RTN4IP1: variants seen among roughly 807,000 people sequenced by gnomAD.
RTN4IP1 encodes the protein NAD(P)H oxidoreductase RTN4IP1, mitochondrial.
A neutral mutation model predicts 46.6 loss-of-function variants in RTN4IP1; 32 were observed. The observed-to-expected ratio is 0.69, with a 90% CI of 0.52 to 0.92. RTN4IP1 has a LOEUF of 0.92. Among genes scored for constraint, RTN4IP1 ranks in the 40% least tolerant of loss-of-function variants. RTN4IP1 has a pLI of 0.00. For missense variants in RTN4IP1, 424 were observed against 485.8 expected (o/e 0.87, Z 1.20); for synonymous variants, 167 against 161.8 (o/e 1.03, Z -0.24).
intron 2 of RTN4IP1, 31 bp from the exon 3 acceptor site, chr6:106,621,524 A>G (rs756912069): frequency 6.3e-7 from 1 of 1,591,592 alleles, no homozygotes; most frequent in Admixed American, 1.7e-5. Flanking sequence ...CAGCTTCATT[A>G]GAAACACAGA....
rs1482879396 is a variant in RTN4IP1, at chr6:106,619,187, G to A, written c.620+15C>T. 6.2e-7 allele frequency: 1 copy of A among 1,613,608 alleles called. No homozygotes were observed. Among genetic ancestry groups the A allele is most frequent in the Non-Finnish European group, 8.5e-7 (1 of 1,179,816 alleles). On this transcript the variant is annotated intron_variant, in intron 4 of 8. Transcript: ENST00000369063. ...GAAAAGAGGTTTAGATGCTGCCACT[G>A]ACTGATACACTTACCGTTTTCCTGT...
At chr6:106,625,264 C>A (rs575158668) in intron 1 of RTN4IP1, among the ~76,000 whole-genome samples, 21 of 152,046 alleles carry the variant, frequency 1.4e-4, no homozygotes, top group African/African-American at 5.1e-4. Flanking sequence ...CAGTCACTAA[C>A]CCACTCTGTA....
chr6:106,624,456 TC>T (rs1776579464), intron 1 of RTN4IP1, among the ~76,000 whole-genome samples: 1 of 151,890 alleles, frequency 6.6e-6, no homozygotes, highest in Admixed American at 6.6e-5. Context: ...TTCAAGCCAT[TC>T]TCATGCCTCA....
At position 106,629,456 on chromosome 6, in the gene RTN4IP1, C is replaced by A. The variant is rs1776755095; in HGVS notation, c.-435G>T. 3.2e-6 allele frequency: 2 copies of A among 622,792 alleles called. No homozygotes were observed. The highest frequency in any genetic ancestry group is 5.5e-6 in the Non-Finnish European group (2 of 361,552). The allele number at this position is 622,792 out of a possible 1,614,324, so 38.6% of individuals were successfully genotyped here. A position where few individuals can be genotyped will look rare whatever the true frequency, so the allele number is the denominator to read the frequency against. ...TGCCGCCGCGACCCTGGCCCGGAAT[C>A]TCCTTGCCTGCCCGCTCTCCTTAGC... On this transcript the variant is annotated 5_prime_UTR_variant, in exon 1 of 9. Transcript: ENST00000369063.
At chr6:106,592,391 A>G in intron 5 of RTN4IP1, 91 bp from the exon 6 acceptor site, 1 of 1,315,962 alleles carries the variant, frequency 7.6e-7, no homozygotes, top group Non-Finnish European at 1.0e-6. Context: ...CACCATGTAT[A>G]CATATATCAG....
At chr6:106,578,195 A>G (rs184951745) in intron 8 of RTN4IP1, among the ~76,000 whole-genome samples, 19 of 152,320 alleles carry the variant, frequency 1.2e-4, no homozygotes, top group Non-Finnish European at 2.5e-4. Flanking sequence ...CTAGGTAACA[A>G]TGTCTGGATG....
chr6:106,609,039 G>C (rs1193031841), intron 4 of RTN4IP1, among the ~76,000 whole-genome samples: 1 of 152,152 alleles, frequency 6.6e-6, no homozygotes, highest in East Asian at 1.9e-4. Flanking sequence ...CCAGGCTCTA[G>C]AATGCTATAA....
chr6:106,591,413 G>A (rs1258343280), intron 6 of RTN4IP1, among the ~76,000 whole-genome samples: 1 of 151,684 alleles, frequency 6.6e-6, no homozygotes, highest in African/African-American at 2.4e-5. Flanking sequence ...TGTCAGATAA[G>A]GACTCCCTTT....
chr6:106,614,409 A>C (rs1776299195), intron 4 of RTN4IP1, among the ~76,000 whole-genome samples: 1 of 152,174 alleles, frequency 6.6e-6, no homozygotes, highest in African/African-American at 2.4e-5. Flanking sequence ...TTGAGATATA[A>C]AGAGAACATC....
rs185883401 is a variant in RTN4IP1 at position 106,592,304 on chromosome 6, C to T, written c.670-4G>A. 5.9e-5 allele frequency: 94 copies of T among 1,603,162 alleles called. No homozygotes were observed. Among genetic ancestry groups the T allele is most frequent in the East Asian group, 4.0e-4 (18 of 44,770 alleles). On this transcript the variant is annotated splice_region_variant and splice_polypyrimidine_tract_variant and intron_variant, in intron 5 of 8. Transcript: ENST00000369063. ...GAGCATCCCATGCTTTCATTACCTGCCCCCCACCAAAAAGAAAAAAAGAAT... is the reference window on the plus strand; with the variant it reads ...GAGCATCCCATGCTTTCATTACCTGTCCCCCACCAAAAAGAAAAAAAGAAT...
intron 7 of RTN4IP1, among the ~76,000 whole-genome samples, chr6:106,585,170 T>A (rs958115384): frequency 6.6e-6 from 1 of 152,228 alleles, no homozygotes; most frequent in African/African-American, 2.4e-5. Flanking sequence ...CACTGGTTTA[T>A]GCAACTAACT....
chr6:106,589,104 C>CAGAAGAAGAAGAGGA (rs771292700), intron 6 of RTN4IP1, among the ~76,000 whole-genome samples: 3,783 of 118,868 alleles, frequency 0.032, 83 homozygotes, highest in East Asian at 0.069. Context: ...GAGCGAAACT[C>CAGAAGAAGAAGAGGA]AGAAGAAGAA....
chr6:106,580,087 G>A (rs929323146), intron 8 of RTN4IP1, among the ~76,000 whole-genome samples: 4 of 151,642 alleles, frequency 2.6e-5, no homozygotes, highest in African/African-American at 4.8e-5. Flanking sequence ...GGTGGCGGGC[G>A]CCTGTAGTCC....
chr6:106,572,088 C>G lies in RTN4IP1; in HGVS notation c.1099G>C (p.Glu367Gln), dbSNP rs1442994007. Reference protein sequence around the residue: ...VDAGKIRPVIEQTFPFSKVPE... With the variant: ...VDAGKIRPVIQQTFPFSKVPE... ...ACTTTAGAAAAAGGAAAGGTTTGTTCAATAACTGGCCGGATCTGTAAAACA... is the reference window on the plus strand; with the variant it reads ...ACTTTAGAAAAAGGAAAGGTTTGTTGAATAACTGGCCGGATCTGTAAAACA... Residue 367 changes from glutamate to glutamine, a missense_variant, in exon 9 of 9, where the codon GAA (glutamate) becomes CAA (glutamine). By Grantham distance (29) the Glu-to-Gln change is conservative. Coordinates refer to ENST00000369063, the MANE Select transcript of RTN4IP1 (RefSeq NM_032730.5). The G allele has an allele frequency of 6.2e-7, 1 of 1,613,854 alleles. No individual in the cohort carries two copies. The highest frequency in any genetic ancestry group is 2.2e-5 in the East Asian group (1 of 44,884).
chr6:106,619,340 C>G lies in RTN4IP1; in HGVS notation c.496-14G>C. ...TTTGTGAGAGACCTACATTTGAAGA[C>G]AACAGTCAAAAATAAGCAATGACTT... On this transcript the variant is annotated splice_polypyrimidine_tract_variant and intron_variant, in intron 3 of 8. Transcript: ENST00000369063. 1 of 1,613,322 alleles carries G rather than the reference C, an allele frequency of 6.2e-7. No homozygotes were observed. Among genetic ancestry groups the G allele is most frequent in the Non-Finnish European group, 8.5e-7 (1 of 1,179,746 alleles).
In RTN4IP1 at chr6:106,619,203, G is replaced by A. The variant is rs765799580; in HGVS notation, c.619C>T (p.Arg207Cys). ...GCTGCCACTGACTGATACACTTACC[G>A]TTTTCCTGTGCAATTCTTGTCATTC... ...GLNDKNCTGK[R>C]VLILGASGGV... The change falls in exon 4 of 9, where the codon CGT becomes TGT. Residue 207 changes from arginine to cysteine, a missense_variant and splice_region_variant. Coordinates refer to ENST00000369063, the MANE Select transcript of RTN4IP1 (RefSeq NM_032730.5). 9 of 1,613,966 alleles carry A rather than the reference G, an allele frequency of 5.6e-6. No individual in the cohort carries two copies. Among genetic ancestry groups the A allele is most frequent in the African/African-American group, 4.0e-5 (3 of 74,938 alleles).
chr6:106,613,022 T>C (rs1738277458), intron 4 of RTN4IP1, among the ~76,000 whole-genome samples: 1 of 152,206 alleles, frequency 6.6e-6, no homozygotes, highest in South Asian at 2.1e-4. Context: ...GCTATTTCTT[T>C]TGTGGCGCCG....
chr6:106,590,902 T>C (rs959395523), intron 6 of RTN4IP1, among the ~76,000 whole-genome samples: 1 of 152,104 alleles, frequency 6.6e-6, no homozygotes, highest in African/African-American at 2.4e-5. Context: ...ATGCCAGGCA[T>C]GTTCCGGACA....
chr6:106,623,026 C>T, intron 1 of RTN4IP1, 57 bp from the exon 2 acceptor site: 2 of 1,553,104 alleles, frequency 1.3e-6, no homozygotes, highest in Non-Finnish European at 1.8e-6. Context: ...GCTTTTAAAA[C>T]TACTACAGGG....
Sources: gnomAD v4.1 joint callset for allele counts (sites outside exome capture counted in the v4.1 genomes callset) on GRCh38, gnomAD v4.1.1 for gene constraint, MANE v1.5 for transcripts, NCBI Gene and HGNC (gene_info 2026-07-23, HGNC 2026-07-21) for gene names.